Variants in SCN11A observed in about 807,000 individuals in gnomAD.
The protein encoded by SCN11A is sodium voltage-gated channel alpha subunit 11.
In SCN11A, 122 loss-of-function variants were observed where a neutral mutation model predicts 162.2. That is an observed-to-expected ratio of 0.75 (90% CI 0.65 to 0.87). The LOEUF (loss-of-function observed/expected upper bound fraction) is 0.87, where lower values mean the gene tolerates loss of function less well. Among genes scored for constraint, SCN11A ranks in the 40% least tolerant of loss-of-function variants. The pLI, the probability that SCN11A is intolerant of heterozygous loss-of-function variation, is 0.00. For synonymous variants in SCN11A, 758 were observed against 751.5 expected (o/e 1.01, Z -0.14); for missense variants, 2,015 against 2,181.6 (o/e 0.92, Z 1.52).
At chr3:38,946,738 G>A (rs367573925) in intron 6 of SCN11A, 51 bp downstream of exon 6, 36 of 1,175,792 alleles carry the variant, frequency 3.1e-5, no homozygotes, top group Non-Finnish European at 3.8e-5. Flanking sequence ...CGTGGGGCAC[G>A]TGCACTTTTC....
chr3:39,028,993 C>T (rs1012655882), intron 2 of SCN11A, among the ~76,000 whole-genome samples: 2 of 152,164 alleles, frequency 1.3e-5, no homozygotes, highest in Non-Finnish European at 1.5e-5. Context: ...ACTGCCTATG[C>T]GTGGCAGTAT....
At chr3:38,924,387 T>C (rs1460368602) in intron 9 of SCN11A, among the ~76,000 whole-genome samples, 1 of 151,932 alleles carries the variant, frequency 6.6e-6, no homozygotes, top group African/African-American at 2.4e-5. Flanking sequence ...AATTTTTTTT[T>C]TTTCTGAGAC....
At position 38,870,712 on chromosome 3, in the gene SCN11A, A is replaced by ATGT; in HGVS notation, c.3791_3792insACA (p.Tyr1264delinsTer). 2.5e-6 allele frequency: 4 copies of ATGT among 1,613,656 alleles called. No individual in the cohort carries two copies. Among genetic ancestry groups the ATGT allele is most frequent in the Non-Finnish European group, 3.4e-6 (4 of 1,179,632 alleles). ...TCACCTCTGTGGAATCAACAGCTGC[A>ATGT]TATATAATATCCATCCAGCCCTTAA... On this transcript the variant is annotated stop_gained, in exon 26 of 30. Coordinates refer to ENST00000302328, the MANE Select transcript of SCN11A (RefSeq NM_001349253.2). LOFTEE classifies it high-confidence loss of function.
At chr3:38,948,534 C>A (rs1269151470) in intron 5 of SCN11A, among the ~76,000 whole-genome samples, 1 of 152,212 alleles carries the variant, frequency 6.6e-6, no homozygotes, top group East Asian at 1.9e-4. Context: ...CTAGCTCCAC[C>A]ACTCACTGGC....
At chr3:38,965,234 A>G (rs1348582530) in intron 2 of SCN11A, among the ~76,000 whole-genome samples, 2 of 152,190 alleles carry the variant, frequency 1.3e-5, no homozygotes, top group African/African-American at 4.8e-5. Context: ...AAAACAGTGC[A>G]TGTCACTTAA....
At chr3:38,939,701 A>G (rs1230429307) in intron 7 of SCN11A, among the ~76,000 whole-genome samples, 1 of 152,004 alleles carries the variant, frequency 6.6e-6, no homozygotes, top group Non-Finnish European at 1.5e-5. Context: ...GTCGGGAGTT[A>G]GAGATCAGCC....
chr3:38,923,749 A>G (rs969614158), intron 9 of SCN11A, among the ~76,000 whole-genome samples: 3 of 152,186 alleles, frequency 2.0e-5, no homozygotes, highest in East Asian at 1.9e-4. Flanking sequence ...CTGAGATCAG[A>G]TGTGCCAGAG....
intron 2 of SCN11A, among the ~76,000 whole-genome samples, chr3:39,007,098 A>G (rs1175427951): frequency 6.6e-6 from 1 of 152,182 alleles, no homozygotes; most frequent in Non-Finnish European, 1.5e-5. Context: ...CCAGATTAAA[A>G]AGACCTAGGA....
intron 2 of SCN11A, among the ~76,000 whole-genome samples, chr3:38,999,544 A>T (rs2030745347): frequency 6.6e-6 from 1 of 150,768 alleles, no homozygotes; most frequent in Non-Finnish European, 1.5e-5. Flanking sequence ...ATTGTAATCA[A>T]ACTCTGCCAG....
intron 11 of SCN11A, among the ~76,000 whole-genome samples, chr3:38,916,009 G>A (rs1044081770): frequency 6.6e-6 from 1 of 152,116 alleles, no homozygotes; most frequent in Non-Finnish European, 1.5e-5. Context: ...TATACCTTTA[G>A]ATTAGTTAGG....
chr3:38,991,972 C>T (rs1182316780), intron 2 of SCN11A, among the ~76,000 whole-genome samples: 1 of 152,068 alleles, frequency 6.6e-6, no homozygotes, highest in African/African-American at 2.4e-5. Flanking sequence ...CCATGCCCAG[C>T]TAATTTTTGT....
rs575737112 is a variant in SCN11A, at chr3:39,033,174, A to G, written c.-403-671T>C. Among the ~76,000 whole-genome samples the G allele has an allele frequency of 3.7e-3, 567 of 151,452 alleles. 1 individual carries two copies. The highest frequency in any genetic ancestry group is 0.017 in the Middle Eastern group (5 of 290). ...TCTTGAAAAAAAAAAAAAGAGAGAG[A>G]GAGAGAAAACTTAATTAACTTGCTC... On this transcript the variant is annotated intron_variant, in intron 1 of 29. Coordinates refer to ENST00000302328, the MANE Select transcript of SCN11A (RefSeq NM_001349253.2).
intron 2 of SCN11A, among the ~76,000 whole-genome samples, chr3:38,967,282 G>A (rs1384424222): frequency 6.6e-6 from 1 of 152,182 alleles, no homozygotes; most frequent in Admixed American, 6.5e-5. Flanking sequence ...TTGGAGAAGT[G>A]ACAATGTGTA....
At chr3:38,926,398 T>A (rs370523325) in intron 8 of SCN11A, among the ~76,000 whole-genome samples, 22 of 152,180 alleles carry the variant, frequency 1.4e-4, no homozygotes, top group Non-Finnish European at 4.4e-5. Flanking sequence ...ATAGCCCCTA[T>A]CCTGGTACTC....
intron 22 of SCN11A, among the ~76,000 whole-genome samples, chr3:38,882,578 C>T (rs867768440): frequency 1.3e-4 from 20 of 152,006 alleles, no homozygotes; most frequent in Middle Eastern, 3.2e-3. Context: ...AGATACTATC[C>T]CTCCCTAGCA....
rs757543315 is a variant in SCN11A, at chr3:38,847,501, A to T, written c.4569T>A (p.Asn1523Lys). 3 of 1,614,220 alleles carry T rather than the reference A, an allele frequency of 1.9e-6. No homozygotes were observed. Among genetic ancestry groups the T allele is most frequent in the South Asian group, 2.2e-5 (2 of 91,084 alleles). Residue 1523 changes from asparagine to lysine, a missense_variant, in exon 30 of 30, where the codon AAT becomes AAA. Coordinates refer to ENST00000302328, the MANE Select transcript of SCN11A (RefSeq NM_001349253.2). Reference sequence around the variant, plus strand: ...ATATGTCATCGATTCCAGACTCTGGATTCACTTTGGAAAACCAGTTCATAC... The same window carrying T: ...ATATGTCATCGATTCCAGACTCTGGTTTCACTTTGGAAAACCAGTTCATAC... ...ILGMNWFSKV[N>K]PESGIDDIFN...
chr3:38,892,626 G>C (rs1035591083), intron 19 of SCN11A, among the ~76,000 whole-genome samples: 2 of 151,864 alleles, frequency 1.3e-5, no homozygotes, highest in African/African-American at 4.8e-5. Flanking sequence ...TATTTTCTCA[G>C]CTCCTTCAGT....
intron 2 of SCN11A, among the ~76,000 whole-genome samples, chr3:38,987,319 A>T (rs1375307351): frequency 1.3e-5 from 2 of 149,398 alleles, no homozygotes; most frequent in African/African-American, 5.0e-5. Flanking sequence ...ACACACACAC[A>T]CACACACACA....
In SCN11A at chr3:38,948,045, G is replaced by C. The variant is rs73828742; in HGVS notation, c.268-1138C>G. Among the ~76,000 whole-genome samples the C allele has an allele frequency of 4.8e-3, 732 of 152,302 alleles. 6 individuals are homozygous for C. The highest frequency in any genetic ancestry group is 0.017 in the African/African-American group (701 of 41,568). Reference sequence around the variant, plus strand: ...CCAACCATCAACCTTCCTTTAATGAGCTGCTGGGATTGACTGGTCTGATGG... The same window carrying C: ...CCAACCATCAACCTTCCTTTAATGACCTGCTGGGATTGACTGGTCTGATGG... On this transcript the variant is annotated intron_variant, in intron 5 of 29. Coordinates refer to ENST00000302328, the MANE Select transcript of SCN11A (RefSeq NM_001349253.2).
Sources: allele counts gnomAD v4.1 joint callset (sites outside exome capture counted in the v4.1 genomes callset), GRCh38; gene constraint gnomAD v4.1.1; transcripts MANE v1.5; gene names NCBI Gene and HGNC (gene_info 2026-07-23, HGNC 2026-07-21).